EGR2: variants seen among roughly 807,000 people sequenced by gnomAD.
EGR2 encodes the protein early growth response 2.
In EGR2, 2 loss-of-function variants were observed where a neutral mutation model predicts 21.2. The ratio of observed to expected loss-of-function variants is 0.09; its 90% CI spans 0.04 to 0.30. EGR2 has a LOEUF of 0.30. EGR2 is among the 10% of genes least tolerant of loss of function. The pLI is 1.00. For missense variants in EGR2, 458 were observed against 630.2 expected (o/e 0.73, Z 2.93); for synonymous variants, 282 against 258.2 (o/e 1.09, Z -0.88).
chr10:62,816,840 T>G (rs980763270), upstream of EGR2, among the ~76,000 whole-genome samples: 1 of 151,640 alleles, frequency 6.6e-6, no homozygotes, highest in African/African-American at 2.4e-5. Context: ...GACACTACAG[T>G]CAAACCCCTA....
At position 62,813,163 on chromosome 10, in the gene EGR2, C is replaced by CCT; in HGVS notation, c.*42_*43dup. ...TTGTGCAGCTCCAGTGGACAAAGGGCCTCCGGGACCTTTGGGAGCTGGTGT... is the reference window on the plus strand; with the variant it reads ...TTGTGCAGCTCCAGTGGACAAAGGGCCTCTCCGGGACCTTTGGGAGCTGGTGT... On this transcript the variant is annotated 3_prime_UTR_variant, in exon 2 of 2. Coordinates refer to ENST00000242480, the MANE Select transcript of EGR2 (RefSeq NM_000399.5). The surrounding 1 kb of genome is among the most constrained non-coding windows in gnomAD (Gnocchi z 5.7). The CCT allele has an allele frequency of 6.6e-7, 1 of 1,519,418 alleles. No individual in the cohort carries two copies. The highest frequency in any genetic ancestry group is 2.3e-5 in the East Asian group (1 of 44,292). 94.1% of individuals were successfully genotyped at this position (1,519,418 alleles called of 1,614,324 possible).
intron 1 of EGR2, among the ~76,000 whole-genome samples, chr10:62,815,367 C>G (rs918436208): frequency 6.6e-6 from 1 of 152,246 alleles, no homozygotes; most frequent in African/African-American, 2.4e-5. Flanking sequence ...CGCCTCCAGG[C>G]CGCAAGAAGG....
Position 62,813,181 on chromosome 10 carries a change from G to A in EGR2, c.*26C>T. 6.5e-7 allele frequency: 1 copy of A among 1,538,538 alleles called. No homozygotes were observed. The stretch of plus-strand genomic sequence containing the variant: ...CAAAGGGCCTCCGGGACCTTTGGGA[G>A]CTGGTGTATCAGCCTGAGTCTCATC... On this transcript the variant is annotated 3_prime_UTR_variant, in exon 2 of 2. Transcript: ENST00000242480. The surrounding 1 kb of genome is among the most constrained non-coding windows in gnomAD (Gnocchi z 5.7).
upstream of EGR2, among the ~76,000 whole-genome samples, chr10:62,817,120 G>A (rs1838268444): frequency 6.6e-6 from 1 of 152,188 alleles, no homozygotes; most frequent in Admixed American, 6.5e-5. The surrounding 1 kb of genome is among the most constrained non-coding windows in gnomAD (Gnocchi z 4.4). Context: ...CAGAATTACT[G>A]TGGGGAGCTT....
chr10:62,812,005 A>T lies in EGR2; in HGVS notation c.*1202T>A, dbSNP rs1230450632. 6.6e-6 allele frequency: 1 copy of T among 152,496 alleles called. No homozygotes were observed. Among genetic ancestry groups the T allele is most frequent in the South Asian group, 2.1e-4 (1 of 4,828 alleles). The allele number at this position is 152,496 out of a possible 1,614,324, so 9.4% of individuals were successfully genotyped here. On this transcript the variant is annotated 3_prime_UTR_variant, in exon 2 of 2. Coordinates refer to ENST00000242480, the MANE Select transcript of EGR2 (RefSeq NM_000399.5). ...ATTTCTGCAACAAAAATATTGTTGA[A>T]AAGTATTTATTTACACTATAGTCAC... is the stretch of plus-strand genomic sequence containing the variant.
At chr10:62,818,593 G>C, upstream of EGR2, 1 of 1,277,200 alleles carries the variant, frequency 7.8e-7, no homozygotes, top group Non-Finnish European at 1.0e-6. Context: ...CGGCCCCCGC[G>C]CTGACCATGG....
upstream of EGR2, among the ~76,000 whole-genome samples, chr10:62,817,287 C>T (rs1254688125): frequency 1.3e-5 from 2 of 152,164 alleles, no homozygotes; most frequent in East Asian, 3.9e-4. The surrounding 1 kb of genome is among the most constrained non-coding windows in gnomAD (Gnocchi z 4.4). Flanking sequence ...CACCCTGCCC[C>T]TCCAGACACA....
chr10:62,817,660 G>A (rs1432611189), upstream of EGR2, among the ~76,000 whole-genome samples: 1 of 152,104 alleles, frequency 6.6e-6, no homozygotes, highest in African/African-American at 2.4e-5. This position sits in a 1 kb window ranked among gnomAD's most constrained non-coding sequence, Gnocchi z 4.4. Flanking sequence ...GGTCCTCAGT[G>A]ACGGCCGAAA....
At position 62,812,980 on chromosome 10, in the gene EGR2, C is replaced by G; in HGVS notation, c.*227G>C. 1 of 445,922 alleles carries G rather than the reference C, an allele frequency of 2.2e-6. No homozygotes were observed. The highest frequency in any genetic ancestry group is 3.8e-6 in the Non-Finnish European group (1 of 259,742). The allele number at this position is 445,922 out of a possible 1,614,324, so 27.6% of individuals were successfully genotyped here. On this transcript the variant is annotated 3_prime_UTR_variant, in exon 2 of 2. Coordinates refer to ENST00000242480, the MANE Select transcript of EGR2 (RefSeq NM_000399.5). ...CACACCACCTCCTTCTGAGCCTCCC[C>G]TTTGCCTTGGGTTGATAGTCAACTC...
upstream of EGR2, chr10:62,818,567 G>C (rs1490314081): frequency 7.8e-7 from 1 of 1,275,404 alleles, no homozygotes; most frequent in Non-Finnish European, 1.0e-6. Context: ...CTCCGCCTGC[G>C]CTCTGGCGGG....
Position 62,812,747 on chromosome 10 carries a change from T to C in EGR2, c.*460A>G, listed in dbSNP as rs1466491667. The C allele has an allele frequency of 1.3e-5, 2 of 157,806 alleles. No individual in the cohort carries two copies. The highest frequency in any genetic ancestry group is 2.8e-5 in the Non-Finnish European group (2 of 71,380). 9.8% of individuals were successfully genotyped at this position (157,806 alleles called of 1,614,324 possible). A position where few individuals can be genotyped will look rare whatever the true frequency, so the allele number is the denominator to read the frequency against. The stretch of plus-strand genomic sequence containing the variant: ...CCCAAATCAGTCCCAAGCCATAAAG[T>C]GCACATCAGTTTTGCTTGTCTTTTT... On this transcript the variant is annotated 3_prime_UTR_variant, in exon 2 of 2. Coordinates refer to ENST00000242480, the MANE Select transcript of EGR2 (RefSeq NM_000399.5).
chr10:62,814,383 A>G lies in EGR2; in HGVS notation c.255T>C (p.Pro85=). 6.2e-7 allele frequency: 1 copy of G among 1,614,174 alleles called. No individual in the cohort carries two copies. Among genetic ancestry groups the G allele is most frequent in the Non-Finnish European group, 8.5e-7 (1 of 1,180,022 alleles). The part of the protein sequence containing the change: ...YPSSFAPVSA[P]RNQTFTYMGK... ...CCATGTAAGTGAAGGTCTGGTTTCTAGGTGCAGAGACGGGAGCAAAGCTGC... is the reference window on the plus strand; with the variant it reads ...CCATGTAAGTGAAGGTCTGGTTTCTGGGTGCAGAGACGGGAGCAAAGCTGC... The change falls in exon 2 of 2, where the codon CCT becomes CCC. Residue 85 remains proline (P), a synonymous_variant. Coordinates refer to ENST00000242480, the MANE Select transcript of EGR2 (RefSeq NM_000399.5). The surrounding 1 kb of genome is among the most constrained non-coding windows in gnomAD (Gnocchi z 4.8).
chr10:62,814,455 G>A lies in EGR2; in HGVS notation c.183C>T (p.Asn61=). The change falls in exon 2 of 2, where the codon AAC becomes AAT. Residue 61 remains asparagine (N), a synonymous_variant. Coordinates refer to ENST00000242480, the MANE Select transcript of EGR2 (RefSeq NM_000399.5). The surrounding 1 kb of genome is among the most constrained non-coding windows in gnomAD (Gnocchi z 4.8). Reference sequence around the variant, plus strand: ...ACCTCTTCTCTCCAGTCATGTCAATGTTGATCATGCCATCTGGGGAGGGGA... The same window carrying A: ...ACCTCTTCTCTCCAGTCATGTCAATATTGATCATGCCATCTGGGGAGGGGA... ...MNGVAGDGMI[N]IDMTGEKRSL... 1 of 1,614,080 alleles carries A rather than the reference G, an allele frequency of 6.2e-7. No individual in the cohort carries two copies. The highest frequency in any genetic ancestry group is 8.5e-7 in the Non-Finnish European group (1 of 1,179,994).
chr10:62,816,360 C>T lies in EGR2; in HGVS notation c.-331G>A. The T allele has an allele frequency of 8.1e-7, 1 of 1,231,638 alleles. No individual in the cohort carries two copies. Among genetic ancestry groups the T allele is most frequent in the Non-Finnish European group, 1.0e-6 (1 of 971,592 alleles). 76.3% of individuals were successfully genotyped at this position (1,231,638 alleles called of 1,614,324 possible). On this transcript the variant is annotated 5_prime_UTR_variant, in exon 1 of 2. Transcript: ENST00000242480. ...CGAGCTATTAATCAATTGCTCCTCG[C>T]TCAGTTAGACGGAAAGTGTTGCTCT...
In EGR2 at chr10:62,812,992, T is replaced by TTGA; in HGVS notation, c.*212_*214dup. 2 of 484,602 alleles carry TTGA rather than the reference T, an allele frequency of 4.1e-6. No individual in the cohort carries two copies. The highest frequency in any genetic ancestry group is 6.5e-5 in the East Asian group (2 of 30,858). The allele number at this position is 484,602 out of a possible 1,614,324, so 30.0% of individuals were successfully genotyped here. A position where few individuals can be genotyped will look rare whatever the true frequency, so the allele number is the denominator to read the frequency against. Reference sequence around the variant, plus strand: ...TTCTGAGCCTCCCCTTTGCCTTGGGTTGATAGTCAACTCACCTAAGAGAGA... The same window carrying TTGA: ...TTCTGAGCCTCCCCTTTGCCTTGGGTTGATGATAGTCAACTCACCTAAGAGAGA... On this transcript the variant is annotated 3_prime_UTR_variant, in exon 2 of 2. Transcript: ENST00000242480.
chr10:62,819,150 T>C (rs1289089741), upstream of EGR2: 3 of 152,002 alleles, frequency 2.0e-5, no homozygotes, highest in African/African-American at 4.9e-5. Flanking sequence ...CACCTCCCCC[T>C]AAGAGCTACG....
At chr10:62,818,066 G>C (rs995135204), upstream of EGR2, among the ~76,000 whole-genome samples, 2 of 152,238 alleles carry the variant, frequency 1.3e-5, no homozygotes, top group Non-Finnish European at 2.9e-5. Context: ...TTTCACCCCG[G>C]GCCCGGAGCG....
At chr10:62,815,356 G>A (rs1460625115) in intron 1 of EGR2, among the ~76,000 whole-genome samples, 1 of 152,216 alleles carries the variant, frequency 6.6e-6, no homozygotes, top group Non-Finnish European at 1.5e-5. Flanking sequence ...AGGTGGGGGC[G>A]CGCCTCCAGG....
rs1371726241 is a variant in EGR2, at chr10:62,816,129, C to G, written c.-100G>C. 2 of 1,607,684 alleles carry G rather than the reference C, an allele frequency of 1.2e-6. No homozygotes were observed. The highest frequency in any genetic ancestry group is 1.7e-6 in the Non-Finnish European group (2 of 1,177,258). ...TGGACTGAGCCTGGGATGGTATCTC[C>G]TTTTGCCCTCCACACTTAAAAACAA... On this transcript the variant is annotated 5_prime_UTR_variant, in exon 1 of 2. Coordinates refer to ENST00000242480, the MANE Select transcript of EGR2 (RefSeq NM_000399.5).
Sources: gnomAD v4.1 joint callset for allele counts (sites outside exome capture counted in the v4.1 genomes callset) on GRCh38, gnomAD v4.1.1 for gene constraint, Gnocchi (gnomAD v3.1) non-coding constraint, MANE v1.5 for transcripts, NCBI Gene and HGNC (gene_info 2026-07-23, HGNC 2026-07-21) for gene names.